Variants in PSPC1 observed in about 807,000 individuals in gnomAD.
PSPC1 encodes the protein paraspeckle component 1, also known as paraspeckle protein 1.
In PSPC1, 14 loss-of-function variants were observed where a neutral mutation model predicts 51.6. That is an observed-to-expected ratio of 0.27 (90% CI 0.18 to 0.42). The LOEUF is 0.42. Ranked by LOEUF, PSPC1 falls within the 10% of genes least tolerant of loss-of-function variation. The pLI is 1.00. For missense variants in PSPC1, 406 were observed against 701.1 expected (o/e 0.58, Z 4.75); for synonymous variants, 193 against 231.9 (o/e 0.83, Z 1.53).
chr13:19,712,530 G>A (rs902170909), intron 6 of PSPC1, among the ~76,000 whole-genome samples: 2 of 151,772 alleles, frequency 1.3e-5, no homozygotes, highest in East Asian at 1.9e-4. Context: ...AAAATTTCAC[G>A]GGAAATGTAT....
intron 6 of PSPC1, among the ~76,000 whole-genome samples, chr13:19,695,150 A>G (rs1879054381): frequency 6.6e-6 from 1 of 152,220 alleles, no homozygotes; most frequent in Non-Finnish European, 1.5e-5. Context: ...GTGATAGGTT[A>G]GTCTTCTATA....
chr13:19,750,882 G>A (rs1301124887), intron 4 of PSPC1, among the ~76,000 whole-genome samples: 1 of 151,830 alleles, frequency 6.6e-6, no homozygotes, highest in Non-Finnish European at 1.5e-5. Flanking sequence ...CAATTCTCCT[G>A]CCTCAGCCTC....
intron 1 of PSPC1, among the ~76,000 whole-genome samples, chr13:19,772,846 T>C (rs1309060625): frequency 6.6e-6 from 1 of 152,156 alleles, no homozygotes; most frequent in South Asian, 2.1e-4. Context: ...ATCTCCTACA[T>C]ATATTAAGAA....
At chr13:19,694,364 A>C (rs1050980537) in intron 6 of PSPC1, among the ~76,000 whole-genome samples, 4 of 152,056 alleles carry the variant, frequency 2.6e-5, no homozygotes, top group Non-Finnish European at 4.4e-5. Context: ...ACCACATGTG[A>C]AATATTAAAC....
chr13:19,681,073 A>T (rs1226050244), intron 6 of PSPC1, among the ~76,000 whole-genome samples: 3 of 152,060 alleles, frequency 2.0e-5, no homozygotes, highest in African/African-American at 4.8e-5. Flanking sequence ...AAATTAGCTG[A>T]GTGCGGTGGC....
At chr13:19,743,919 C>G (rs764894374) in intron 4 of PSPC1, among the ~76,000 whole-genome samples, 5 of 151,936 alleles carry the variant, frequency 3.3e-5, no homozygotes, top group Non-Finnish European at 5.9e-5. Context: ...GCCAGCCTGA[C>G]CAACATGGAG....
chr13:19,709,283 A>G (rs963142706), intron 7 of PSPC1, among the ~76,000 whole-genome samples: 3 of 152,004 alleles, frequency 2.0e-5, no homozygotes, highest in African/African-American at 7.2e-5. Flanking sequence ...AACCTGGTTT[A>G]TATGTTTCTT....
intron 2 of PSPC1, among the ~76,000 whole-genome samples, chr13:19,764,978 T>C (rs896198332): frequency 2.6e-5 from 4 of 152,204 alleles, no homozygotes; most frequent in Admixed American, 1.3e-4. Context: ...ACGAAGAATG[T>C]GTAATGATGA....
intron 4 of PSPC1, among the ~76,000 whole-genome samples, chr13:19,746,637 G>GT (rs1886020602): frequency 6.6e-6 from 1 of 152,106 alleles, no homozygotes; most frequent in Non-Finnish European, 1.5e-5. Context: ...GGAACCGGAG[G>GT]TTGTAGTGAG....
At chr13:19,758,447 A>T (rs138352024) in intron 3 of PSPC1, among the ~76,000 whole-genome samples, 1 of 152,328 alleles carries the variant, frequency 6.6e-6, no homozygotes, top group East Asian at 1.9e-4. Flanking sequence ...CCGCTGTGCC[A>T]GGTTATTTAA....
intron 6 of PSPC1, among the ~76,000 whole-genome samples, chr13:19,727,164 C>A (rs894911474): frequency 6.6e-6 from 1 of 152,180 alleles, no homozygotes; most frequent in Non-Finnish European, 1.5e-5. Context: ...GAAGCCAAGG[C>A]GGGCAGATCA....
At chr13:19,757,412 G>A (rs1034829401) in intron 3 of PSPC1, among the ~76,000 whole-genome samples, 9 of 152,072 alleles carry the variant, frequency 5.9e-5, no homozygotes, top group African/African-American at 2.2e-4. Context: ...TCCCCAATAG[G>A]TAGAGACTAT....
chr13:19,714,281 A>G (rs964502059), intron 6 of PSPC1, among the ~76,000 whole-genome samples: 1 of 152,224 alleles, frequency 6.6e-6, no homozygotes, highest in Non-Finnish European at 1.5e-5. Context: ...AAGAGACACT[A>G]TAATTATTGG....
intron 6 of PSPC1, among the ~76,000 whole-genome samples, chr13:19,697,231 C>T (rs147062070): frequency 6.6e-6 from 1 of 152,134 alleles, no homozygotes; most frequent in South Asian, 2.1e-4. Context: ...TTTGGCTCCA[C>T]CTGAGGCCTA....
intron 5 of PSPC1, among the ~76,000 whole-genome samples, chr13:19,737,740 T>C (rs1171889344): frequency 6.6e-6 from 1 of 152,208 alleles, no homozygotes; most frequent in Non-Finnish European, 1.5e-5. Flanking sequence ...GCACCAGTTA[T>C]GTTCATTGTT....
intron 7 of PSPC1, among the ~76,000 whole-genome samples, chr13:19,706,500 A>G (rs1313395733): frequency 1.3e-5 from 2 of 152,180 alleles, no homozygotes; most frequent in Non-Finnish European, 2.9e-5. Flanking sequence ...ATAAAATATT[A>G]ATATAGCTAT....
At chr13:19,690,610 G>A (rs746191894) in intron 6 of PSPC1, among the ~76,000 whole-genome samples, 5 of 152,108 alleles carry the variant, frequency 3.3e-5, no homozygotes, top group Non-Finnish European at 5.9e-5. Context: ...CTTACTGCTT[G>A]GGGTTCCACC....
chr13:19,671,761 T>G, downstream of PSPC1: 4 of 1,405,170 alleles, frequency 2.8e-6, no homozygotes, highest in Non-Finnish European at 3.0e-6. Context: ...ATCTTGGCCA[T>G]TTGTGGGTTT....
intron 6 of PSPC1, among the ~76,000 whole-genome samples, chr13:19,697,203 T>C (rs1276337277): frequency 1.3e-5 from 2 of 152,104 alleles, no homozygotes; most frequent in Admixed American, 1.3e-4. Context: ...CATAGGAACT[T>C]ACTAGAAATG....
Sources: gnomAD v4.1 joint callset for allele counts (sites outside exome capture counted in the v4.1 genomes callset) on GRCh38, gnomAD v4.1.1 for gene constraint, MANE v1.5 for transcripts, NCBI Gene and HGNC (gene_info 2026-07-23, HGNC 2026-07-21) for gene names.